CPLX2: variants seen among roughly 807,000 people sequenced by gnomAD.
The protein encoded by CPLX2 is complexin 2, also known as complexin-2.
Under a neutral mutation model 16.3 loss-of-function variants are expected in CPLX2, and 5 were observed. The observed-to-expected ratio is 0.31, with a 90% confidence interval of 0.16 to 0.64. The LOEUF (loss-of-function observed/expected upper bound fraction) is 0.64, where lower values mean the gene tolerates loss of function less well. Among genes scored for constraint, CPLX2 ranks in the 30% least tolerant of loss-of-function variants. CPLX2 has a pLI of 0.79. For synonymous variants in CPLX2, 89 were observed against 73.2 expected (o/e 1.22, Z -1.10); for missense variants, 144 against 181.4 (o/e 0.79, Z 1.18).
At chr5:175,807,428 G>C (rs1446207648) in intron 1 of CPLX2, among the ~76,000 whole-genome samples, 1 of 152,158 alleles carries the variant, frequency 6.6e-6, no homozygotes, top group African/African-American at 2.4e-5. Flanking sequence ...CACACAGGTG[G>C]CCCCACCTAA....
chr5:175,801,169 A>AAAC (rs1758089177), intron 1 of CPLX2, among the ~76,000 whole-genome samples: 1 of 151,722 alleles, frequency 6.6e-6, no homozygotes, highest in Admixed American at 6.6e-5. Flanking sequence ...GTTAAAAAAA[A>AAAC]AAAAAAACTG....
chr5:175,847,448 C>T (rs1345595248), intron 2 of CPLX2, among the ~76,000 whole-genome samples: 3 of 152,226 alleles, frequency 2.0e-5, no homozygotes, highest in East Asian at 1.9e-4. Context: ...TAGTCCATCA[C>T]GACGTGCCTT....
At position 175,800,632 on chromosome 5, in the gene CPLX2, G is replaced by T. The variant is rs990731272; in HGVS notation, c.-169+3848G>T. Among the ~76,000 whole-genome samples the T allele has an allele frequency of 4.6e-5, 7 of 152,206 alleles. No individual in the cohort carries two copies. The East Asian group carries it at 1.2e-3, about 25-fold the overall frequency. On this transcript the variant is annotated intron_variant, in intron 1 of 4. Transcript: ENST00000359546. The stretch of plus-strand genomic sequence containing the variant: ...TGACTTAGATGCAGTATATTACCTG[G>T]GCCTAGCTGAACTGCAATATGTAAG...
chr5:175,847,736 T>C (rs1282609342), intron 2 of CPLX2, among the ~76,000 whole-genome samples: 2 of 152,158 alleles, frequency 1.3e-5, no homozygotes, highest in Non-Finnish European at 2.9e-5. Context: ...CTCCACTACA[T>C]GGTGCCAGTC....
At chr5:175,817,865 G>T (rs1758437542) in intron 2 of CPLX2, among the ~76,000 whole-genome samples, 1 of 152,332 alleles carries the variant, frequency 6.6e-6, no homozygotes, top group South Asian at 2.1e-4. Flanking sequence ...CTGGGGACAT[G>T]TGTCCCATAG....
chr5:175,870,529 G>A (rs995401845), upstream of CPLX2, among the ~76,000 whole-genome samples: 1 of 152,090 alleles, frequency 6.6e-6, no homozygotes, highest in African/African-American at 2.4e-5. Context: ...CCTCCTCTCC[G>A]AAGCCATTTT....
At chr5:175,854,775 G>C (rs1238413375) in intron 2 of CPLX2, among the ~76,000 whole-genome samples, 1 of 152,204 alleles carries the variant, frequency 6.6e-6, no homozygotes, top group Non-Finnish European at 1.5e-5. Flanking sequence ...TGCAGTGTCA[G>C]AGTGATACAA....
intron 2 of CPLX2, among the ~76,000 whole-genome samples, chr5:175,836,305 G>A (rs577129433): frequency 7.9e-5 from 12 of 152,090 alleles, no homozygotes; most frequent in South Asian, 4.1e-4. Flanking sequence ...AGCCGAGATC[G>A]TGCCACTGCA....
chr5:175,810,299 CAG>C (rs35133763), intron 2 of CPLX2, among the ~76,000 whole-genome samples: 24,106 of 152,216 alleles, frequency 0.16, 2,270 homozygotes, highest in Middle Eastern at 0.3. Context: ...CAGTGTCACA[CAG>C]AGAGTCGGGG....
intron 2 of CPLX2, among the ~76,000 whole-genome samples, chr5:175,831,532 T>C (rs1426740727): frequency 6.6e-6 from 1 of 152,194 alleles, no homozygotes; most frequent in African/African-American, 2.4e-5. Context: ...AGGGGAAAAG[T>C]GTCTGATGCA....
intron 2 of CPLX2, among the ~76,000 whole-genome samples, chr5:175,846,384 A>C (rs1403579756): frequency 6.6e-6 from 1 of 152,132 alleles, no homozygotes; most frequent in Non-Finnish European, 1.5e-5. Flanking sequence ...TGCCTGTATG[A>C]CCTTGGGCAG....
At chr5:175,856,736 T>C (rs1759264968) in intron 2 of CPLX2, among the ~76,000 whole-genome samples, 1 of 151,928 alleles carries the variant, frequency 6.6e-6, no homozygotes, top group Non-Finnish European at 1.5e-5. Flanking sequence ...AGTGGGCTGA[T>C]GAAAGGACGT....
chr5:175,827,460 T>G (rs543255094), intron 2 of CPLX2, among the ~76,000 whole-genome samples: 2 of 152,194 alleles, frequency 1.3e-5, no homozygotes, highest in South Asian at 4.2e-4. Flanking sequence ...ACCTTTAAAG[T>G]CCAAGAGATG....
At chr5:175,858,515 T>C (rs1210221845) in intron 2 of CPLX2, among the ~76,000 whole-genome samples, 1 of 152,192 alleles carries the variant, frequency 6.6e-6, no homozygotes, top group East Asian at 1.9e-4. Flanking sequence ...GCCACAAGGA[T>C]GGCTCAGCCC....
intron 2 of CPLX2, among the ~76,000 whole-genome samples, chr5:175,866,574 C>T (rs1759481346): frequency 6.7e-6 from 1 of 148,780 alleles, no homozygotes; most frequent in Non-Finnish European, 1.5e-5. Context: ...TAATGAGTGC[C>T]TGAATCTGGG....
chr5:175,828,258 G>C (rs1009588238), intron 2 of CPLX2, among the ~76,000 whole-genome samples: 4 of 152,108 alleles, frequency 2.6e-5, no homozygotes, highest in Non-Finnish European at 4.4e-5. Flanking sequence ...AAAGTGTGGT[G>C]GTCCCTTCAT....
chr5:175,824,976 C>T (rs1364335390), intron 2 of CPLX2, among the ~76,000 whole-genome samples: 1 of 152,154 alleles, frequency 6.6e-6, no homozygotes, highest in Admixed American at 6.5e-5. Flanking sequence ...TGATCTCACC[C>T]CTCTGAGCCC....
At chr5:175,829,341 T>C (rs1252712549) in intron 2 of CPLX2, among the ~76,000 whole-genome samples, 1 of 152,188 alleles carries the variant, frequency 6.6e-6, no homozygotes, top group Non-Finnish European at 1.5e-5. Flanking sequence ...GCCCACCTGC[T>C]CAGCCATGCT....
chr5:175,844,886 C>T (rs943481908), intron 2 of CPLX2, among the ~76,000 whole-genome samples: 14 of 152,282 alleles, frequency 9.2e-5, no homozygotes, highest in Admixed American at 4.6e-4. Context: ...GAGTCTTTGT[C>T]GAGGGCTGGA....
Sources: gnomAD v4.1 joint callset for allele counts (sites outside exome capture counted in the v4.1 genomes callset) on GRCh38, gnomAD v4.1.1 for gene constraint, MANE v1.5 for transcripts, NCBI Gene and HGNC (gene_info 2026-07-23, HGNC 2026-07-21) for gene names.